SLC24A3: variants seen among roughly 807,000 people sequenced by gnomAD.
The protein encoded by SLC24A3 is solute carrier family 24 member 3.
SLC24A3 carries 28 observed loss-of-function variants against 75.8 expected under a neutral mutation model. That is an observed-to-expected ratio of 0.37 (90% confidence interval 0.27 to 0.51). SLC24A3 has a LOEUF of 0.51. SLC24A3 is among the 20% of genes least tolerant of loss of function. SLC24A3 has a pLI of 0.94. For missense variants in SLC24A3, 663 were observed against 847.8 expected, an observed-to-expected ratio of 0.78 and a Z score of 2.71; for synonymous variants, 372 against 334.1, an observed-to-expected ratio of 1.11 and a Z score of -1.24.
intron 3 of SLC24A3, among the ~76,000 whole-genome samples, chr20:19,517,197 G>T (rs538914313): frequency 6.6e-6 from 1 of 152,296 alleles, no homozygotes; most frequent in South Asian, 2.1e-4. Flanking sequence ...CTGTCGCAAG[G>T]CTGAGGAGCT....
At chr20:19,257,352 C>T (rs1982845598) in intron 1 of SLC24A3, among the ~76,000 whole-genome samples, 1 of 152,224 alleles carries the variant, frequency 6.6e-6, no homozygotes, top group South Asian at 2.1e-4. Context: ...ACGGTTGACT[C>T]CGCTGAGACT....
At chr20:19,619,030 C>T (rs1192008530) in intron 6 of SLC24A3, among the ~76,000 whole-genome samples, 1 of 152,166 alleles carries the variant, frequency 6.6e-6, no homozygotes, top group Admixed American at 6.5e-5. Flanking sequence ...CCCCGAGTGC[C>T]CCACATCCCA....
intron 6 of SLC24A3, among the ~76,000 whole-genome samples, chr20:19,648,363 T>G (rs1600320303): frequency 3.3e-5 from 5 of 152,246 alleles, no homozygotes; most frequent in Admixed American, 3.3e-4. Context: ...TTCCATGAAA[T>G]TTGTGTGAAA....
rs1432172892 is a variant in SLC24A3 at position 19,584,973 on chromosome 20, C to A, written c.426C>A (p.Arg142=). 2.0e-5 allele frequency: 33 copies of A among 1,613,268 alleles called. No homozygotes were observed. Among genetic ancestry groups the A allele is most frequent in the Non-Finnish European group, 2.6e-5 (31 of 1,179,452 alleles). ...FVPSLEKICE[R]LHLSEDVAGA... ...GCTTTGTCTTTGCTCCTCTGTAGCGCCTGCACCTCAGTGAAGATGTGGCTG... is the reference window on the plus strand; with the variant it reads ...GCTTTGTCTTTGCTCCTCTGTAGCGACTGCACCTCAGTGAAGATGTGGCTG... The change falls in exon 5 of 17, where the codon CGC becomes CGA. Residue 142 remains arginine, a splice_region_variant and synonymous_variant. Transcript: ENST00000328041.
chr20:19,440,865 G>T (rs1292208946), intron 2 of SLC24A3, among the ~76,000 whole-genome samples: 2 of 152,052 alleles, frequency 1.3e-5, no homozygotes, highest in East Asian at 3.9e-4. Flanking sequence ...GCTCAGCACT[G>T]GGCCGACAGC....
chr20:19,503,656 A>G (rs1988419566), intron 2 of SLC24A3, among the ~76,000 whole-genome samples: 8 of 152,242 alleles, frequency 5.3e-5, no homozygotes, highest in Admixed American at 5.2e-4. Flanking sequence ...GGCCAGGACC[A>G]AAACTGAGAA....
At chr20:19,226,069 C>T (rs890333088) in intron 1 of SLC24A3, among the ~76,000 whole-genome samples, 7 of 152,070 alleles carry the variant, frequency 4.6e-5, no homozygotes, top group African/African-American at 1.2e-4. Context: ...TCATAGATTG[C>T]CTTTATCAAA....
chr20:19,264,816 C>A, intron 1 of SLC24A3, among the ~76,000 whole-genome samples: 1 of 151,892 alleles, frequency 6.6e-6, no homozygotes, highest in South Asian at 2.1e-4. Context: ...TAGTGAGGAA[C>A]GGAAGCCACA....
intron 6 of SLC24A3, among the ~76,000 whole-genome samples, chr20:19,613,359 C>A (rs1249845905): frequency 6.6e-6 from 1 of 152,156 alleles, no homozygotes. Context: ...GAACAAACAC[C>A]ATAATCAAGT....
intron 9 of SLC24A3, among the ~76,000 whole-genome samples, chr20:19,677,650 C>A (rs2032540232): frequency 6.7e-6 from 1 of 149,864 alleles, no homozygotes; most frequent in Non-Finnish European, 1.5e-5. Flanking sequence ...CATCTCTAGA[C>A]ACAGCTGGAT....
intron 6 of SLC24A3, among the ~76,000 whole-genome samples, chr20:19,589,313 C>G (rs1012220025): frequency 2.6e-5 from 4 of 152,360 alleles, no homozygotes; most frequent in Middle Eastern, 3.4e-3. Flanking sequence ...ACTAAGTTAT[C>G]TCATGTAAGG....
chr20:19,432,017 A>C (rs1455915096), intron 2 of SLC24A3, among the ~76,000 whole-genome samples: 2 of 152,074 alleles, frequency 1.3e-5, no homozygotes. Context: ...AAGTTGAGTG[A>C]CTCAGGGGGA....
At chr20:19,231,042 C>T (rs879805627) in intron 1 of SLC24A3, among the ~76,000 whole-genome samples, 2 of 152,018 alleles carry the variant, frequency 1.3e-5, no homozygotes, top group Non-Finnish European at 2.9e-5. Context: ...TATGGTTTAC[C>T]CCACGTAATT....
chr20:19,447,975 G>A (rs544147794), intron 2 of SLC24A3, among the ~76,000 whole-genome samples: 53 of 152,322 alleles, frequency 3.5e-4, no homozygotes, highest in African/African-American at 1.2e-3. Context: ...GACTTCTTAG[G>A]TCCCTCTGAC....
intron 6 of SLC24A3, among the ~76,000 whole-genome samples, chr20:19,651,526 G>A (rs2032202797): frequency 6.6e-6 from 1 of 151,558 alleles, no homozygotes; most frequent in African/African-American, 2.4e-5. Flanking sequence ...TGTTTATTGT[G>A]CACTCAATGA....
At chr20:19,339,578 G>C (rs1304004960) in intron 2 of SLC24A3, among the ~76,000 whole-genome samples, 1 of 152,210 alleles carries the variant, frequency 6.6e-6, no homozygotes, top group Non-Finnish European at 1.5e-5. Flanking sequence ...TGCTGGAGTT[G>C]CATTTCACAT....
chr20:19,607,036 T>C (rs1432961091), intron 6 of SLC24A3, among the ~76,000 whole-genome samples: 3 of 152,170 alleles, frequency 2.0e-5, no homozygotes, highest in African/African-American at 7.2e-5. Flanking sequence ...TGAATGAGTT[T>C]AGATGTTTAT....
chr20:19,604,974 G>A (rs953065823), intron 6 of SLC24A3, among the ~76,000 whole-genome samples: 4 of 152,076 alleles, frequency 2.6e-5, no homozygotes, highest in Non-Finnish European at 5.9e-5. Context: ...TTTGATTAAC[G>A]GATCCCAGGC....
chr20:19,315,153 C>G (rs959954981), intron 2 of SLC24A3, among the ~76,000 whole-genome samples: 1 of 152,186 alleles, frequency 6.6e-6, no homozygotes, highest in Non-Finnish European at 1.5e-5. Flanking sequence ...ATTCGCCTAT[C>G]CTTGCACCCA....
Sources: gnomAD v4.1 joint callset for allele counts (sites outside exome capture counted in the v4.1 genomes callset) on GRCh38, gnomAD v4.1.1 for gene constraint, MANE v1.5 for transcripts, NCBI Gene and HGNC (gene_info 2026-07-23, HGNC 2026-07-21) for gene names.